CACNA1B: variants seen among roughly 807,000 people sequenced by gnomAD.
CACNA1B encodes the protein calcium voltage-gated channel subunit alpha1 B.
In CACNA1B, 70 loss-of-function variants were observed where a neutral mutation model predicts 247.2. The ratio of observed to expected loss-of-function variants is 0.28; its 90% CI spans 0.23 to 0.35. CACNA1B has a LOEUF of 0.35. Among genes scored for constraint, CACNA1B ranks in the 10% least tolerant of loss-of-function variants. The probability of loss-of-function intolerance (pLI) is 1.00; values close to 1 mark genes in which losing one functional copy is unlikely to be tolerated. For missense variants in CACNA1B, 2,367 were observed against 3,197.4 expected (o/e 0.74, Z 6.26); for synonymous variants, 1,231 against 1,294.4 (o/e 0.95, Z 1.05).
At chr9:138,070,639 C>G (rs550806784) in intron 32 of CACNA1B, among the ~76,000 whole-genome samples, 1 of 152,334 alleles carries the variant, frequency 6.6e-6, no homozygotes, top group East Asian at 1.9e-4. Flanking sequence ...AGCAGAAGAG[C>G]TAGCGTTTTG....
Position 138,059,332 on chromosome 9 carries a change from G to A in CACNA1B, c.4584+143G>A, listed in dbSNP as rs2133506806. The A allele has an allele frequency of 3.1e-6, 2 of 642,778 alleles. No homozygotes were observed. Among genetic ancestry groups the A allele is most frequent in the East Asian group, 5.5e-5 (2 of 36,388 alleles). The allele number at this position is 642,778 out of a possible 1,614,324, so 39.8% of individuals were successfully genotyped here. A position where few individuals can be genotyped will look rare whatever the true frequency, so the allele number is the denominator to read the frequency against. The stretch of plus-strand genomic sequence containing the variant: ...TATGTAATGCTACAGGGGCCCTGGG[G>A]AAGGGGCTGTTCTGAGACTCTTGGC... On this transcript the variant is annotated intron_variant, in intron 30 of 46. Transcript: ENST00000371372. This position sits in a 1 kb window ranked among gnomAD's most constrained non-coding sequence, Gnocchi z 4.2.
chr9:137,938,140 G>C (rs946178178), intron 6 of CACNA1B, among the ~76,000 whole-genome samples: 3 of 151,922 alleles, frequency 2.0e-5, no homozygotes, highest in African/African-American at 7.3e-5. Flanking sequence ...TATCAGCCAA[G>C]AATTTTGTAT....
Position 138,101,985 on chromosome 9 carries a change from A to G in CACNA1B, c.5223-726A>G, listed in dbSNP as rs902345554. On this transcript the variant is annotated intron_variant, in intron 37 of 46. Coordinates refer to ENST00000371372, the MANE Select transcript of CACNA1B (RefSeq NM_000718.4). The stretch of plus-strand genomic sequence containing the variant: ...CCCCTTTGCTGTCAGAGCTGGTGCA[A>G]GGTGGCCCCAGGCCATGTCCTGCCA... Among the ~76,000 whole-genome samples, 7 of 152,024 alleles carry G rather than the reference A, an allele frequency of 4.6e-5. 1 individual carries two copies. The highest frequency in any genetic ancestry group is 2.9e-5 in the Non-Finnish European group (2 of 67,986).
Position 138,122,013 on chromosome 9 carries a change from G to C in CACNA1B, c.*14G>C. ...CACTGGTGCTAGCTGCACCGTGACC[G>C]CTCAGACGCCTGCATGCAGCAGGCG... On this transcript the variant is annotated 3_prime_UTR_variant, in exon 47 of 47. Transcript: ENST00000371372. The C allele has an allele frequency of 6.3e-7, 1 of 1,585,352 alleles. No individual in the cohort carries two copies. The highest frequency in any genetic ancestry group is 8.5e-7 in the Non-Finnish European group (1 of 1,170,872).
Position 138,120,640 on chromosome 9 carries a change from G to T in CACNA1B, c.6248G>T (p.Ser2083Ile). The change falls in exon 46 of 47, where the codon AGT becomes ATT. Residue 2083 changes from serine to isoleucine, a missense_variant. By Grantham distance (142) the Ser-to-Ile change is moderately radical (BLOSUM62 -2). Transcript: ENST00000371372. ...LSADMDGAPS[S>I]AVGPGLPPGE... is the part of the protein sequence containing the mutation. ...TCTCTTCCCTGGCCAGCACCAAGCA[G>T]TGCTGTGGGGCCGGGGCTGCCCCCG... 6.7e-7 allele frequency: 1 copy of T among 1,502,066 alleles called. No individual in the cohort carries two copies. The allele number at this position is 1,502,066 out of a possible 1,614,324, so 93.0% of individuals were successfully genotyped here. A position where few individuals can be genotyped will look rare whatever the true frequency, so the allele number is the denominator to read the frequency against.
chr9:138,045,009 G>A (rs1057302403), intron 21 of CACNA1B, among the ~76,000 whole-genome samples: 2 of 152,240 alleles, frequency 1.3e-5, no homozygotes, highest in African/African-American at 4.8e-5. Flanking sequence ...GGAAGGCACT[G>A]GCATTCTGGG....
chr9:138,068,592 A>G (rs1483628250), intron 31 of CACNA1B: 2 of 518,700 alleles, frequency 3.9e-6, no homozygotes, highest in African/African-American at 3.9e-5. Context: ...GCTGATTCCT[A>G]AGGGCCTCCT....
chr9:138,001,315 C>T (rs1318700838), intron 15 of CACNA1B, among the ~76,000 whole-genome samples: 1 of 86,440 alleles, frequency 1.2e-5, no homozygotes, highest in Non-Finnish European at 2.1e-5. Flanking sequence ...AAAAACCCTA[C>T]AACCAGGATG....
At chr9:138,104,667 T>G (rs1209224506) in intron 38 of CACNA1B, among the ~76,000 whole-genome samples, 2 of 152,136 alleles carry the variant, frequency 1.3e-5, no homozygotes, top group African/African-American at 4.8e-5. Flanking sequence ...CAGGGCTGTA[T>G]GGCCCTCCCT....
In CACNA1B at chr9:138,059,873, C is replaced by T. The variant is rs531635234; in HGVS notation, c.4668+136C>T. 32 of 639,474 alleles carry T rather than the reference C, an allele frequency of 5.0e-5. No individual in the cohort carries two copies. Among genetic ancestry groups the T allele is most frequent in the Middle Eastern group, 3.0e-4 (1 of 3,332 alleles). The allele number at this position is 639,474 out of a possible 1,614,324, so 39.6% of individuals were successfully genotyped here. ...GAACCCCCTGGACATGTGGAGGCTT[C>T]GCTCCAGGGGTGGAGTTTAGGGATT... On this transcript the variant is annotated intron_variant, in intron 31 of 46. Transcript: ENST00000371372. This position sits in a 1 kb window ranked among gnomAD's most constrained non-coding sequence, Gnocchi z 4.2.
chr9:138,028,915 C>G (rs7026939), intron 20 of CACNA1B, among the ~76,000 whole-genome samples: 1,848 of 152,254 alleles, frequency 0.012, 34 homozygotes, highest in African/African-American at 0.042. Flanking sequence ...CTCTATTCAG[C>G]ATATGGCTGC....
At position 138,123,639 on chromosome 9, in the gene CACNA1B, T is replaced by C. The variant is rs201676104; in HGVS notation, c.*1640T>C. ...TGTACAGGTGTGTTCAGTGTGTGGATGTCATTAACCCATAGGGCTATGCAA... is the reference window on the plus strand; with the variant it reads ...TGTACAGGTGTGTTCAGTGTGTGGACGTCATTAACCCATAGGGCTATGCAA... On this transcript the variant is annotated 3_prime_UTR_variant, in exon 47 of 47. Coordinates refer to ENST00000371372, the MANE Select transcript of CACNA1B (RefSeq NM_000718.4). 6.6e-6 allele frequency: 1 copy of C among 152,076 alleles called. No individual in the cohort carries two copies. The highest frequency in any genetic ancestry group is 1.5e-5 in the Non-Finnish European group (1 of 68,030). The allele number at this position is 152,076 out of a possible 1,614,324, so 9.4% of individuals were successfully genotyped here.
intron 20 of CACNA1B, among the ~76,000 whole-genome samples, chr9:138,039,056 T>C (rs1004455112): frequency 1.3e-5 from 2 of 151,658 alleles, no homozygotes; most frequent in African/African-American, 4.8e-5. Context: ...ATTAGCCGGG[T>C]GTAGTGGGGC....
At chr9:137,985,929 C>A (rs1340802109) in intron 13 of CACNA1B, among the ~76,000 whole-genome samples, 1 of 152,190 alleles carries the variant, frequency 6.6e-6, no homozygotes, top group Admixed American at 6.5e-5. Context: ...GGCACTGGAG[C>A]CAGGGTCTCT....
At chr9:137,951,865 C>G (rs1018297089) in intron 6 of CACNA1B, among the ~76,000 whole-genome samples, 1 of 152,198 alleles carries the variant, frequency 6.6e-6, no homozygotes, top group Non-Finnish European at 1.5e-5. Context: ...TGTGGGCCCC[C>G]TTCAGGAGGA....
intron 3 of CACNA1B, among the ~76,000 whole-genome samples, chr9:137,886,910 A>C (rs2133231744): frequency 6.6e-6 from 1 of 152,120 alleles, no homozygotes; most frequent in East Asian, 1.9e-4. Context: ...GGAGAGCGTG[A>C]GGGGTGAGCC....
intron 37 of CACNA1B, 72 bp downstream of exon 37, chr9:138,096,683 G>A (rs552365097): frequency 9.5e-5 from 141 of 1,488,414 alleles, no homozygotes; most frequent in Middle Eastern, 5.4e-4. Context: ...GGGCCTGGTG[G>A]CTTCAGACAT....
intron 6 of CACNA1B, among the ~76,000 whole-genome samples, chr9:137,923,874 G>T (rs1235617658): frequency 6.6e-6 from 1 of 152,132 alleles, no homozygotes; most frequent in Non-Finnish European, 1.5e-5. Flanking sequence ...GTTTTAATTC[G>T]CATGTCCTAA....
In CACNA1B at chr9:138,120,693, G is replaced by T. The variant is rs765962694; in HGVS notation, c.6301G>T (p.Glu2101Ter). The T allele has an allele frequency of 3.3e-6, 5 of 1,517,744 alleles. No individual in the cohort carries two copies. Among genetic ancestry groups the T allele is most frequent in the Non-Finnish European group, 2.6e-6 (3 of 1,137,824 alleles). The allele number at this position is 1,517,744 out of a possible 1,614,324, so 94.0% of individuals were successfully genotyped here. A position where few individuals can be genotyped will look rare whatever the true frequency, so the allele number is the denominator to read the frequency against. ...AGAGGGGCCTACAGGCTGCCGGCGGGAACGAGAGCGCCGGCAGGAGCGGGG... is the reference window on the plus strand; with the variant it reads ...AGAGGGGCCTACAGGCTGCCGGCGGTAACGAGAGCGCCGGCAGGAGCGGGG... The part of the protein sequence containing the change: ...PGEGPTGCRR[E>*]RERRQERGRS... The change falls in exon 46 of 47, where the codon GAA becomes TAA. Residue 2101 changes from glutamate (E) to a stop codon, truncating the protein, a stop_gained. Transcript: ENST00000371372. LOFTEE classifies it high-confidence loss of function.
Sources: gnomAD v4.1 joint callset for allele counts (sites outside exome capture counted in the v4.1 genomes callset) on GRCh38, gnomAD v4.1.1 for gene constraint, Gnocchi (gnomAD v3.1) non-coding constraint, MANE v1.5 for transcripts, NCBI Gene and HGNC (gene_info 2026-07-23, HGNC 2026-07-21) for gene names.